Variants in NFIL3 observed in about 807,000 individuals in gnomAD.
NFIL3 encodes nuclear factor, interleukin 3 regulated.
In NFIL3, 5 loss-of-function variants were observed where a neutral mutation model predicts 10.0. The observed-to-expected ratio is 0.50, with a 90% CI of 0.26 to 1.06. NFIL3 has a LOEUF of 1.06. Among genes scored for constraint, NFIL3 ranks in the 50% least tolerant of loss-of-function variants. NFIL3 has a pLI of 0.13. For missense variants in NFIL3, 436 were observed against 547.6 expected, an observed-to-expected ratio of 0.80 and a Z score of 2.03; for synonymous variants, 202 against 206.5, an observed-to-expected ratio of 0.98 and a Z score of 0.19.
the NFIL3 span, among the ~76,000 whole-genome samples, chr9:91,452,063 GA>G: frequency 6.6e-6 from 1 of 152,132 alleles, no homozygotes; most frequent in Non-Finnish European, 1.5e-5. Context: ...AGTTAACCTG[GA>G]AAACTAGTTT....
the NFIL3 span, among the ~76,000 whole-genome samples, chr9:91,461,926 CAATATAGGTAGGT>C: frequency 6.6e-6 from 1 of 151,806 alleles, no homozygotes. Flanking sequence ...ATAGTCTTGC[CAATATAGGTAGGT>C]AATCACGGTC....
chr9:91,449,447 A>G, the NFIL3 span, among the ~76,000 whole-genome samples: 2 of 152,148 alleles, frequency 1.3e-5, no homozygotes, highest in East Asian at 3.8e-4. Flanking sequence ...CCTTTTCTGC[A>G]TTACATTTTG....
chr9:91,436,701 A>G, the NFIL3 span, among the ~76,000 whole-genome samples: 70 of 152,346 alleles, frequency 4.6e-4, no homozygotes, highest in Admixed American at 1.4e-3. Context: ...GACCCTGGCT[A>G]CCAAGAGTCT....
At chr9:91,427,619 T>TTTGTTGTTGTTG (rs139394510), upstream of NFIL3, among the ~76,000 whole-genome samples, 5 of 150,128 alleles carry the variant, frequency 3.3e-5, no homozygotes, top group Admixed American at 1.3e-4. Context: ...GCATACCGTT[T>TTTGTTGTTGTTG]TTGTTGTTGT....
chr9:91,448,761 C>T, the NFIL3 span, among the ~76,000 whole-genome samples: 2 of 116,594 alleles, frequency 1.7e-5, no homozygotes, highest in Non-Finnish European at 3.2e-5. Flanking sequence ...TGGCTTGTCC[C>T]TTTCTAGAAA....
chr9:91,413,558 C>G (rs1156583646), intron 1 of NFIL3, among the ~76,000 whole-genome samples: 1 of 152,058 alleles, frequency 6.6e-6, no homozygotes, highest in Non-Finnish European at 1.5e-5. Context: ...GCCAACAATA[C>G]TATTTCCTCT....
the NFIL3 span, among the ~76,000 whole-genome samples, chr9:91,471,407 G>C: frequency 1.4e-5 from 2 of 147,784 alleles, no homozygotes; most frequent in African/African-American, 5.0e-5. Context: ...GCCTATGTGT[G>C]TCTCTGCACA....
At chr9:91,477,190 C>T in the NFIL3 span, among the ~76,000 whole-genome samples, 14 of 152,210 alleles carry the variant, frequency 9.2e-5, no homozygotes, top group African/African-American at 3.1e-4. Context: ...CAGGGAAAAC[C>T]CACTTCTAAG....
chr9:91,416,731 T>C (rs540096478), intron 1 of NFIL3, among the ~76,000 whole-genome samples: 1 of 152,318 alleles, frequency 6.6e-6, no homozygotes, highest in Admixed American at 6.5e-5. Flanking sequence ...AATTAATGCT[T>C]TTGTATAGTC....
At chr9:91,468,533 T>G in the NFIL3 span, among the ~76,000 whole-genome samples, 1 of 152,196 alleles carries the variant, frequency 6.6e-6, no homozygotes, top group Non-Finnish European at 1.5e-5. Context: ...TAGAAGCTCT[T>G]TACTTTAATT....
the NFIL3 span, among the ~76,000 whole-genome samples, chr9:91,469,346 T>C: frequency 6.6e-6 from 1 of 152,310 alleles, no homozygotes; most frequent in East Asian, 1.9e-4. Context: ...GTTATTGGTG[T>C]ATAGGAATGC....
At position 91,410,407 on chromosome 9, in the gene NFIL3, C is replaced by T. The variant is rs1432114616; in HGVS notation, c.328G>A (p.Glu110Lys). 6.2e-7 allele frequency: 1 copy of T among 1,613,460 alleles called. No individual in the cohort carries two copies. Among genetic ancestry groups the T allele is most frequent in the Admixed American group, 1.7e-5 (1 of 59,838 alleles). Residue 110 changes from glutamate to lysine, a missense_variant, in exon 2 of 2, where the codon GAA becomes AAA. Physicochemically the swap from Glu to Lys is moderately conservative, Grantham distance 56 (BLOSUM62 1). Transcript: ENST00000297689. This position sits in a 1 kb window ranked among gnomAD's most constrained non-coding sequence, Gnocchi z 5.7. ...TCAGCTTTTAAAGTGGCGTTTTCTT[C>T]TCCCAGTGCAATTAGTTTGTTCTCT... ...VLENKLIALGEENATLKAELL... is the reference protein window; with the variant it reads ...VLENKLIALGKENATLKAELL...
At chr9:91,465,102 C>T in the NFIL3 span, among the ~76,000 whole-genome samples, 1 of 151,978 alleles carries the variant, frequency 6.6e-6, no homozygotes, top group African/African-American at 2.4e-5. Flanking sequence ...GTTTGGTGTT[C>T]TCTGAGCTCT....
At chr9:91,439,808 AT>A in the NFIL3 span, among the ~76,000 whole-genome samples, 2 of 152,160 alleles carry the variant, frequency 1.3e-5, no homozygotes, top group South Asian at 2.1e-4. Context: ...AATGTAGTAT[AT>A]TATATTGATT....
chr9:91,411,706 T>A (rs1263717915), intron 1 of NFIL3, among the ~76,000 whole-genome samples: 7 of 152,244 alleles, frequency 4.6e-5, no homozygotes, highest in African/African-American at 1.4e-4. Context: ...GAATTTGTTC[T>A]ATCAAACATT....
the NFIL3 span, among the ~76,000 whole-genome samples, chr9:91,460,727 G>A: frequency 1.3e-5 from 2 of 152,150 alleles, no homozygotes; most frequent in African/African-American, 4.8e-5. Context: ...TGCACATTTA[G>A]AGCCTAGCAA....
intron 1 of NFIL3, among the ~76,000 whole-genome samples, chr9:91,421,231 C>G (rs1160240621): frequency 7.1e-6 from 1 of 140,994 alleles, no homozygotes; most frequent in African/African-American, 2.5e-5. Flanking sequence ...CTGCCCCGTG[C>G]GGGAGCCGGG....
At chr9:91,452,300 C>A in the NFIL3 span, among the ~76,000 whole-genome samples, 1 of 152,208 alleles carries the variant, frequency 6.6e-6, no homozygotes, top group Non-Finnish European at 1.5e-5. Flanking sequence ...CCAGACCTTT[C>A]TTTCTATTGA....
the NFIL3 span, among the ~76,000 whole-genome samples, chr9:91,433,351 C>T: frequency 2.0e-5 from 3 of 152,166 alleles, no homozygotes; most frequent in East Asian, 5.8e-4. Context: ...AGTCATGCTG[C>T]CCTCTGAAGG....
Sources: gnomAD v4.1 joint callset for allele counts (sites outside exome capture counted in the v4.1 genomes callset) on GRCh38, gnomAD v4.1.1 for gene constraint, Gnocchi (gnomAD v3.1) non-coding constraint, MANE v1.5 for transcripts, NCBI Gene and HGNC (gene_info 2026-07-23, HGNC 2026-07-21) for gene names.